Variants in ANO2 observed in about 807,000 individuals in gnomAD.
ANO2 encodes the protein anoctamin-2.
In ANO2, 101 loss-of-function variants were observed where a neutral mutation model predicts 124.2. The observed-to-expected ratio is 0.81, with a 90% CI of 0.69 to 0.96. The LOEUF (loss-of-function observed/expected upper bound fraction) is 0.96, where lower values mean the gene tolerates loss of function less well. Among genes scored for constraint, ANO2 ranks in the 40% least tolerant of loss-of-function variants. The pLI is 0.00. For synonymous variants in ANO2, 486 were observed against 482.5 expected (o/e 1.01, Z -0.09); for missense variants, 1,293 against 1,274.5 (o/e 1.01, Z -0.22).
intron 19 of ANO2, among the ~76,000 whole-genome samples, chr12:5,606,201 G>A (rs1260392586): frequency 1.3e-5 from 2 of 152,212 alleles, no homozygotes; most frequent in Non-Finnish European, 2.9e-5. Flanking sequence ...CCTGTCTGGG[G>A]CACCTTCCAG....
At chr12:5,728,504 C>T (rs1309252898) in intron 14 of ANO2, among the ~76,000 whole-genome samples, 3 of 152,028 alleles carry the variant, frequency 2.0e-5, no homozygotes, top group Admixed American at 6.6e-5. Flanking sequence ...AAAAGGTCTA[C>T]GTAAATAGAA....
intron 1 of ANO2, among the ~76,000 whole-genome samples, chr12:5,934,175 G>GGT (rs1942553614): frequency 6.6e-6 from 1 of 152,146 alleles, no homozygotes; most frequent in South Asian, 2.1e-4. Flanking sequence ...CCCTGAGGTA[G>GGT]GTACCATTGT....
chr12:5,649,834 CG>C (rs1946830452), intron 14 of ANO2, among the ~76,000 whole-genome samples: 2 of 151,730 alleles, frequency 1.3e-5, no homozygotes, highest in African/African-American at 4.8e-5. Context: ...TTAGTAAAGA[CG>C]GGATTTCACC....
intron 14 of ANO2, among the ~76,000 whole-genome samples, chr12:5,727,038 T>C (rs1950467929): frequency 6.6e-6 from 1 of 152,210 alleles, no homozygotes; most frequent in South Asian, 2.1e-4. Flanking sequence ...GTCATGTACA[T>C]GAGATGTGAA....
chr12:5,571,977 T>C (rs1244131791), intron 23 of ANO2, among the ~76,000 whole-genome samples: 1 of 152,184 alleles, frequency 6.6e-6, no homozygotes, highest in Non-Finnish European at 1.5e-5. Context: ...CTGACCTTAT[T>C]TTCTGAACAT....
intron 14 of ANO2, among the ~76,000 whole-genome samples, chr12:5,702,801 T>TA (rs778765519): frequency 1.8e-4 from 27 of 152,212 alleles, no homozygotes; most frequent in Non-Finnish European, 3.5e-4. Flanking sequence ...TGACTGCATT[T>TA]AAGTTAAAAT....
At chr12:5,742,086 G>A (rs1951113473) in intron 12 of ANO2, among the ~76,000 whole-genome samples, 1 of 152,012 alleles carries the variant, frequency 6.6e-6, no homozygotes, top group Non-Finnish European at 1.5e-5. Context: ...AACAGACTTG[G>A]GTCCTGCTGA....
chr12:5,739,314 C>G lies in ANO2; in HGVS notation c.1434+3G>C. ...TATGTGAGAAATACGTGAGAGAACT[C>G]ACTTCTTCCTCTTCTATGCCAGTCA... On this transcript the variant is annotated splice_donor_region_variant and intron_variant, in intron 13 of 24. Transcript: ENST00000682330. 1 of 1,596,228 alleles carries G rather than the reference C, an allele frequency of 6.3e-7. No individual in the cohort carries two copies. The highest frequency in any genetic ancestry group is 8.5e-7 in the Non-Finnish European group (1 of 1,170,810).
intron 10 of ANO2, among the ~76,000 whole-genome samples, chr12:5,774,937 C>T (rs1242531862): frequency 6.6e-6 from 1 of 152,202 alleles, no homozygotes; most frequent in Admixed American, 6.5e-5. Flanking sequence ...CTTTCCTCCA[C>T]CAAGCAAGGA....
intron 23 of ANO2, among the ~76,000 whole-genome samples, chr12:5,575,063 C>T (rs1942321446): frequency 6.6e-6 from 1 of 152,128 alleles, no homozygotes; most frequent in Non-Finnish European, 1.5e-5. Flanking sequence ...TGACGACTCC[C>T]CACCTAGAAT....
intron 3 of ANO2, among the ~76,000 whole-genome samples, chr12:5,866,979 C>CT (rs1426335467): frequency 6.6e-6 from 1 of 152,174 alleles, no homozygotes. Flanking sequence ...GGGAGTTGGT[C>CT]TAGGGGTTGG....
intron 14 of ANO2, among the ~76,000 whole-genome samples, chr12:5,706,482 T>C (rs541757717): frequency 2.0e-5 from 3 of 152,298 alleles, no homozygotes; most frequent in African/African-American, 4.8e-5. Flanking sequence ...CAGATATGCA[T>C]ACTTTGTGAT....
In ANO2 at chr12:5,807,399, C is replaced by T. The variant is rs778664749; in HGVS notation, c.893-31G>A. The T allele has an allele frequency of 3.2e-6, 5 of 1,540,718 alleles. No homozygotes were observed. The South Asian group carries it at 3.7e-5, about 11-fold the overall frequency. On this transcript the variant is annotated intron_variant, in intron 7 of 24. Transcript: ENST00000682330. Reference sequence around the variant, plus strand: ...GAAGAAAGGGAGATGAAAATAGTAACTCTGGGGCAAGCGTTTCTCAACTTA... The same window carrying T: ...GAAGAAAGGGAGATGAAAATAGTAATTCTGGGGCAAGCGTTTCTCAACTTA...
intron 20 of ANO2, among the ~76,000 whole-genome samples, chr12:5,591,487 A>T (rs1346888350): frequency 6.6e-6 from 1 of 152,188 alleles, no homozygotes; most frequent in Non-Finnish European, 1.5e-5. Context: ...GGTTCAGTTC[A>T]TGAAAACTCA....
At chr12:5,807,427 C>A (rs558593539) in intron 7 of ANO2, 59 bp from the exon 8 acceptor site, 3 of 1,457,176 alleles carry the variant, frequency 2.1e-6, no homozygotes, top group Admixed American at 4.2e-5. Context: ...TCAACTTAAC[C>A]CCTGTTTTTT....
At chr12:5,758,670 T>G (rs1334918670) in intron 10 of ANO2, among the ~76,000 whole-genome samples, 1 of 152,192 alleles carries the variant, frequency 6.6e-6, no homozygotes, top group African/African-American at 2.4e-5. Flanking sequence ...AAGTTTGTAG[T>G]GCAGTGCACT....
intron 10 of ANO2, among the ~76,000 whole-genome samples, chr12:5,760,393 C>T (rs1337007962): frequency 3.3e-5 from 5 of 152,094 alleles, no homozygotes; most frequent in Admixed American, 2.6e-4. Context: ...GCTCTGTCCA[C>T]CTTAATGGAA....
intron 14 of ANO2, among the ~76,000 whole-genome samples, chr12:5,690,735 C>T (rs539826038): frequency 6.6e-4 from 100 of 152,254 alleles, no homozygotes; most frequent in African/African-American, 2.0e-3. Context: ...GACAGTCTCA[C>T]GATCTAGGTC....
At chr12:5,808,378 T>A (rs541424876) in intron 7 of ANO2, among the ~76,000 whole-genome samples, 1 of 152,334 alleles carries the variant, frequency 6.6e-6, no homozygotes, top group South Asian at 2.1e-4. Flanking sequence ...TCTTGGTTTT[T>A]TTCAGAGACT....
Sources: allele counts gnomAD v4.1 joint callset (sites outside exome capture counted in the v4.1 genomes callset), GRCh38; gene constraint gnomAD v4.1.1; transcripts MANE v1.5; gene names NCBI Gene and HGNC (gene_info 2026-07-23, HGNC 2026-07-21).